Variants in MCPH1 observed in about 807,000 individuals in gnomAD.
MCPH1 encodes the protein microcephalin.
In MCPH1, 104 loss-of-function variants were observed where a neutral mutation model predicts 84.5. The observed-to-expected ratio is 1.23, with a 90% CI of 1.05 to 1.45. The LOEUF (loss-of-function observed/expected upper bound fraction) is 1.45, where lower values mean the gene tolerates loss of function less well. Among genes scored for constraint, MCPH1 ranks in the 40% most tolerant of loss-of-function variants. MCPH1 has a pLI of 0.00. For synonymous variants in MCPH1, 514 were observed against 366.8 expected (o/e 1.40, Z -4.58); for missense variants, 1,498 against 1,005.7 (o/e 1.49, Z -6.62).
At chr8:6,616,861 T>C (rs1830843817) in intron 12 of MCPH1, 2 of 152,250 alleles carry the variant, frequency 1.3e-5, no homozygotes, top group Admixed American at 6.5e-5. Context: ...TCTTCTTTCA[T>C]GATTTCTTTT....
intron 12 of MCPH1, among the ~76,000 whole-genome samples, chr8:6,603,763 A>G (rs2515547): frequency 0.94 from 143,205 of 152,218 alleles, 68,008 homozygotes; most frequent in East Asian, 1. Flanking sequence ...ACTTAGTAAC[A>G]AACTCTGAAA....
At chr8:6,475,180 C>T (rs975556674) in intron 9 of MCPH1, among the ~76,000 whole-genome samples, 1 of 152,206 alleles carries the variant, frequency 6.6e-6, no homozygotes, top group Non-Finnish European at 1.5e-5. Context: ...ACAATAGCTG[C>T]TTTGAAAGTT....
At chr8:6,624,770 A>G (rs1831881338) in intron 13 of MCPH1, 4 of 977,772 alleles carry the variant, frequency 4.1e-6, no homozygotes, top group Non-Finnish European at 4.9e-6. Flanking sequence ...CTGTCCATAC[A>G]TACACACGTA....
chr8:6,492,708 AAT>A lies in MCPH1; in HGVS notation c.2137-7141_2137-7140del, dbSNP rs548691345. On this transcript the variant is annotated intron_variant, in intron 11 of 13. Transcript: ENST00000344683. ...AAAATTTAAAATTTTTTTAAAAATA[AAT>A]ATTTTATATTAAATTATCAAATAAA... is the stretch of plus-strand genomic sequence containing the variant. Among the ~76,000 whole-genome samples the A allele has an allele frequency of 2.4e-3, 355 of 145,368 alleles. 4 individuals carry two copies. Among genetic ancestry groups the A allele is most frequent in the African/African-American group, 8.4e-3 (343 of 40,660 alleles).
chr8:6,644,378 A>T lies in MCPH1; in HGVS notation c.*1329A>T, dbSNP rs1436051241. On this transcript the variant is annotated 3_prime_UTR_variant, in exon 14 of 14. Transcript: ENST00000344683. ...CAGGCAAGAATAAGCCATAAAAGGC[A>T]TCCAAATAGGAAAAGAAGTCAAACT... The T allele has an allele frequency of 6.6e-6, 1 of 152,266 alleles. No individual in the cohort carries two copies. Among genetic ancestry groups the T allele is most frequent in the Non-Finnish European group, 1.5e-5 (1 of 68,060 alleles). 9.4% of individuals were successfully genotyped at this position (152,266 alleles called of 1,614,324 possible).
At chr8:6,480,449 C>T (rs949099697) in intron 10 of MCPH1, among the ~76,000 whole-genome samples, 1 of 152,194 alleles carries the variant, frequency 6.6e-6, no homozygotes, top group African/African-American at 2.4e-5. Flanking sequence ...TGGCTCTGTC[C>T]CTACCCAGCC....
chr8:6,535,924 G>T (rs1409508110), intron 12 of MCPH1, among the ~76,000 whole-genome samples: 1 of 151,910 alleles, frequency 6.6e-6, no homozygotes, highest in Non-Finnish European at 1.5e-5. Context: ...TGGCCTGGTA[G>T]TGCGAGCCTG....
intron 13 of MCPH1, chr8:6,624,832 C>G: frequency 2.0e-6 from 2 of 985,256 alleles, no homozygotes; most frequent in Non-Finnish European, 2.4e-6. Flanking sequence ...TCATCCAGGT[C>G]CAGGCTATTT....
intron 2 of MCPH1, among the ~76,000 whole-genome samples, chr8:6,410,417 G>C (rs1156265565): frequency 6.6e-6 from 1 of 152,196 alleles, no homozygotes; most frequent in Non-Finnish European, 1.5e-5. Flanking sequence ...GCTGAACTTA[G>C]TGCAGTTTTC....
At chr8:6,570,200 G>C (rs1395567953) in intron 12 of MCPH1, among the ~76,000 whole-genome samples, 3 of 152,210 alleles carry the variant, frequency 2.0e-5, no homozygotes, top group Non-Finnish European at 4.4e-5. Context: ...AATAGAAACA[G>C]TTCTGAGATG....
chr8:6,521,233 T>G, intron 12 of MCPH1: 1 of 1,613,984 alleles, frequency 6.2e-7, no homozygotes, highest in Non-Finnish European at 8.5e-7. Flanking sequence ...TGAGATCATG[T>G]TGCTGCTTCT....
intron 12 of MCPH1, among the ~76,000 whole-genome samples, chr8:6,606,260 G>A (rs909446445): frequency 7.9e-5 from 12 of 152,022 alleles, no homozygotes; most frequent in Admixed American, 2.0e-4. Flanking sequence ...CCATTTACTC[G>A]CACATAAAAT....
chr8:6,470,165 A>T (rs2129558456), intron 9 of MCPH1, among the ~76,000 whole-genome samples: 1 of 152,326 alleles, frequency 6.6e-6, no homozygotes, highest in African/African-American at 2.4e-5. Context: ...GAAGAGTAAT[A>T]TCTCATATTA....
chr8:6,609,707 G>A (rs1830087377), intron 12 of MCPH1, among the ~76,000 whole-genome samples: 1 of 152,190 alleles, frequency 6.6e-6, no homozygotes, highest in African/African-American at 2.4e-5. Flanking sequence ...TGAGGAGGAT[G>A]TCCCGGGAGA....
intron 3 of MCPH1, among the ~76,000 whole-genome samples, chr8:6,430,355 C>T (rs1228732483): frequency 6.6e-6 from 1 of 152,138 alleles, no homozygotes; most frequent in Non-Finnish European, 1.5e-5. Flanking sequence ...CGGAAAATTC[C>T]ACTGCATTGT....
chr8:6,558,399 GT>G (rs1393574833), intron 12 of MCPH1, among the ~76,000 whole-genome samples: 1 of 152,130 alleles, frequency 6.6e-6, no homozygotes, highest in East Asian at 1.9e-4. Flanking sequence ...TGGCGGTAGA[GT>G]TGATTTGAAC....
intron 12 of MCPH1, among the ~76,000 whole-genome samples, chr8:6,535,244 G>C (rs993218916): frequency 6.6e-6 from 1 of 152,150 alleles, no homozygotes; most frequent in Non-Finnish European, 1.5e-5. Flanking sequence ...CCCATTTCTA[G>C]AGCTACTGAG....
chr8:6,602,491 C>G (rs534261410), intron 12 of MCPH1, among the ~76,000 whole-genome samples: 1 of 151,986 alleles, frequency 6.6e-6, no homozygotes, highest in Non-Finnish European at 1.5e-5. Context: ...TGGATGCATG[C>G]GGGAGGAATG....
intron 12 of MCPH1, chr8:6,500,640 AG>A (rs1359747510): frequency 6.6e-6 from 1 of 152,178 alleles, no homozygotes. Context: ...GTAGTTATCT[AG>A]GTTGTTGGGT....
Sources: allele counts gnomAD v4.1 joint callset (sites outside exome capture counted in the v4.1 genomes callset), GRCh38; gene constraint gnomAD v4.1.1; transcripts MANE v1.5; gene names NCBI Gene and HGNC (gene_info 2026-07-23, HGNC 2026-07-21).